The following CNOT11 variants were observed in gnomAD, a reference collection of about 807,000 sequenced individuals.
The protein encoded by CNOT11 is UPF0760 protein C2orf29.
In CNOT11, 18 loss-of-function variants were observed where a neutral mutation model predicts 44.6. The ratio of observed to expected loss-of-function variants is 0.40; its 90% CI spans 0.28 to 0.60. CNOT11 has a LOEUF of 0.60. Among genes scored for constraint, CNOT11 ranks in the 20% least tolerant of loss-of-function variants. The pLI, the probability that CNOT11 is intolerant of heterozygous loss-of-function variation, is 0.38. For synonymous variants in CNOT11, 291 were observed against 270.9 expected, an observed-to-expected ratio of 1.07 and a Z score of -0.73; for missense variants, 513 against 677.0, an observed-to-expected ratio of 0.76 and a Z score of 2.69.
Position 101,268,689 on chromosome 2 carries a change from A to G in CNOT11, c.1239-351A>G, listed in dbSNP as rs142368183. Among the ~76,000 whole-genome samples the G allele has an allele frequency of 6.3e-3, 960 of 152,346 alleles. 4 individuals carry two copies. Among genetic ancestry groups the G allele is most frequent in the African/African-American group, 0.022 (915 of 41,580 alleles). On this transcript the variant is annotated intron_variant, in intron 5 of 6. Transcript: ENST00000289382. ...TGTTCCCACCCCACTCGTTTTTCTC[A>G]TTAAAACATTCCATGTAATCCTTTG...
intron 1 of CNOT11, among the ~76,000 whole-genome samples, chr2:101,254,195 A>C (rs1033849339): frequency 4.6e-5 from 7 of 152,190 alleles, no homozygotes; most frequent in African/African-American, 1.7e-4. Flanking sequence ...ACTTGCAGTC[A>C]GAAAACAAGA....
intron 2 of CNOT11, among the ~76,000 whole-genome samples, chr2:101,258,387 C>T (rs112910310): frequency 6.9e-6 from 1 of 144,458 alleles, no homozygotes; most frequent in Non-Finnish European, 1.5e-5. Context: ...TACAGTGAGA[C>T]TCCATCTCAA....
At chr2:101,264,741 T>G (rs1681940922) in intron 3 of CNOT11, 104 bp from the exon 4 acceptor site, 1 of 888,688 alleles carries the variant, frequency 1.1e-6, no homozygotes, top group Non-Finnish European at 1.8e-6. Context: ...AGTCACATCA[T>G]CCTTATTAAG....
At position 101,258,395 on chromosome 2, in the gene CNOT11, C is replaced by CAATAAATAAATA. The variant is rs58613763; in HGVS notation, c.679+472_679+483dup. Among the ~76,000 whole-genome samples, 960 of 144,686 alleles carry CAATAAATAAATA rather than the reference C, an allele frequency of 6.6e-3. 7 individuals carry two copies. Among genetic ancestry groups the CAATAAATAAATA allele is most frequent in the African/African-American group, 0.022 (867 of 38,758 alleles). The allele number at this position is 144,686 out of a possible 152,430, so 94.9% of individuals were successfully genotyped here. On this transcript the variant is annotated intron_variant, in intron 2 of 6. Transcript: ENST00000289382. ...CCTGGGCTACAGTGAGACTCCATCT[C>CAATAAATAAATA]AATAAATAAATAAATAAATAAATAA... is the stretch of plus-strand genomic sequence containing the variant.
Position 101,264,826 on chromosome 2 carries a change from A to G in CNOT11, c.833-19A>G, listed in dbSNP as rs1681943382. On this transcript the variant is annotated intron_variant, in intron 3 of 6. Coordinates refer to ENST00000289382, the MANE Select transcript of CNOT11 (RefSeq NM_017546.5). ...TGTTAGCTTCCTGATAGGAGCAACT[A>G]TCACGGCTCTCATTACAGGCCATTT... The G allele has an allele frequency of 6.2e-7, 1 of 1,607,968 alleles. No individual in the cohort carries two copies. Among genetic ancestry groups the G allele is most frequent in the Non-Finnish European group, 8.5e-7 (1 of 1,174,662 alleles).
chr2:101,258,014 G>T (rs1340410595), intron 2 of CNOT11, 59 bp downstream of exon 2: 22 of 1,493,474 alleles, frequency 1.5e-5, no homozygotes, highest in Middle Eastern at 1.8e-4. Context: ...CTCTCTTGTT[G>T]AGGACTCTAC....
intron 4 of CNOT11, among the ~76,000 whole-genome samples, chr2:101,266,124 G>A (rs1372344029): frequency 6.6e-6 from 1 of 152,206 alleles, no homozygotes; most frequent in Non-Finnish European, 1.5e-5. Context: ...GAGGATACCT[G>A]TTTGAATTAC....
intron 2 of CNOT11, among the ~76,000 whole-genome samples, chr2:101,259,801 G>A (rs1305709751): frequency 1.3e-5 from 2 of 152,146 alleles, no homozygotes; most frequent in African/African-American, 4.8e-5. Context: ...AGTTTGGGAG[G>A]CCAAGGCATG....
Position 101,253,429 on chromosome 2 carries a change from C to A in CNOT11, c.465C>A (p.Pro155=). Residue 155 remains proline, a synonymous_variant, in exon 1 of 7, where the codon CCC becomes CCA. Coordinates refer to ENST00000289382, the MANE Select transcript of CNOT11 (RefSeq NM_017546.5). This position sits in a 1 kb window ranked among gnomAD's most constrained non-coding sequence, Gnocchi z 4.3. ...FAASFAHLLN[P]APPARGGQEP... is the part of the protein sequence containing the mutation. ...CCAGCTTCGCGCACCTGCTCAACCC[C>A]GCGCCGCCCGCCCGCGGCGGCCAGG... 6 of 1,545,982 alleles carry A rather than the reference C, an allele frequency of 3.9e-6. No homozygotes were observed. The highest frequency in any genetic ancestry group is 1.2e-5 in the South Asian group (1 of 83,752).
At chr2:101,261,672 T>C (rs557652576) in intron 2 of CNOT11, among the ~76,000 whole-genome samples, 2 of 152,336 alleles carry the variant, frequency 1.3e-5, no homozygotes, top group East Asian at 3.9e-4. Flanking sequence ...GTCAAGTTTA[T>C]ACATTTTTGC....
intron 3 of CNOT11, among the ~76,000 whole-genome samples, chr2:101,263,839 C>G (rs769923142): frequency 6.6e-6 from 1 of 152,214 alleles, no homozygotes; most frequent in Non-Finnish European, 1.5e-5. Context: ...ATATGAAAAG[C>G]AGATCACTCA....
intron 3 of CNOT11, 111 bp from the exon 4 acceptor site, chr2:101,264,734 C>A: frequency 1.2e-6 from 1 of 826,478 alleles, no homozygotes; most frequent in Non-Finnish European, 2.0e-6. Flanking sequence ...GAGTTCTAGT[C>A]ACATCATCCT....
At position 101,265,038 on chromosome 2, in the gene CNOT11, A is replaced by G. The variant is rs1307303091; in HGVS notation, c.1026A>G (p.Gln342=). The G allele has an allele frequency of 6.2e-7, 1 of 1,609,634 alleles. No individual in the cohort carries two copies. The highest frequency in any genetic ancestry group is 1.7e-5 in the Admixed American group (1 of 59,958). The change falls in exon 4 of 7, where the codon CAA becomes CAG. Residue 342 remains glutamine (Q), a synonymous_variant. Coordinates refer to ENST00000289382, the MANE Select transcript of CNOT11 (RefSeq NM_017546.5). ...TCAAAAGCCCCTTATCCTCTCCCCA[A>G]CAAACACAGGTGTGTATTGATTGTA... The part of the protein sequence containing the change: ...KAFKSPLSSP[Q]QTQLLGELEK...
chr2:101,257,226 C>T (rs374381405), intron 1 of CNOT11, among the ~76,000 whole-genome samples: 16 of 150,952 alleles, frequency 1.1e-4, no homozygotes, highest in African/African-American at 3.7e-4. Context: ...AACCCCGACT[C>T]GACTAAAAAT....
At chr2:101,265,077 C>T (rs746308165) in intron 4 of CNOT11, 30 bp downstream of exon 4, 395 of 1,328,604 alleles carry the variant, frequency 3.0e-4, no homozygotes, top group Non-Finnish European at 3.8e-4. Flanking sequence ...ATTTTCTTAT[C>T]TTTTTTTTTA....
intron 5 of CNOT11, among the ~76,000 whole-genome samples, chr2:101,267,416 C>T (rs1416630375): frequency 1.3e-5 from 2 of 152,212 alleles, no homozygotes; most frequent in Non-Finnish European, 2.9e-5. Flanking sequence ...GCCAGTGTGC[C>T]AGCCAATTGC....
chr2:101,260,050 A>G (rs1681817976), intron 2 of CNOT11, among the ~76,000 whole-genome samples: 1 of 152,204 alleles, frequency 6.6e-6, no homozygotes, highest in African/African-American at 2.4e-5. Context: ...CCCTGTTACA[A>G]AAGCAGAGAC....
At chr2:101,261,844 C>CTTTTTTTTTTTT (rs3044629) in intron 2 of CNOT11, among the ~76,000 whole-genome samples, 2 of 111,868 alleles carry the variant, frequency 1.8e-5, no homozygotes, top group Non-Finnish European at 1.8e-5. Context: ...TTCTTTCTTT[C>CTTTTTTTTTTTT]TTTTTTTTTT....
At chr2:101,268,928 A>G (rs1354026108) in intron 5 of CNOT11, 112 bp from the exon 6 acceptor site, 1 of 650,712 alleles carries the variant, frequency 1.5e-6, no homozygotes, top group African/African-American at 1.8e-5. Context: ...GGAATTGGAT[A>G]TGTCAGAAAA....
Sources: allele counts gnomAD v4.1 joint callset (sites outside exome capture counted in the v4.1 genomes callset), GRCh38; gene constraint gnomAD v4.1.1; non-coding constraint Gnocchi (gnomAD v3.1); transcripts MANE v1.5; gene names NCBI Gene and HGNC (gene_info 2026-07-23, HGNC 2026-07-21).